Variants in LRMDA observed in about 807,000 individuals in gnomAD.
LRMDA encodes the protein leucine rich melanocyte differentiation associated, also known as leucine-rich melanocyte differentiation-associated protein.
LRMDA carries 18 observed loss-of-function variants against 29.8 expected under a neutral mutation model. The ratio of observed to expected loss-of-function variants is 0.60; its 90% CI spans 0.42 to 0.90. The LOEUF is 0.90. LRMDA is among the 40% of genes least tolerant of loss of function. The pLI is 0.00. For missense variants in LRMDA, 273 were observed against 273.9 expected (o/e 1.00, Z 0.02); for synonymous variants, 125 against 109.4 (o/e 1.14, Z -0.89).
At chr10:75,668,490 C>G (rs1002265861) in intron 2 of LRMDA, among the ~76,000 whole-genome samples, 3 of 152,122 alleles carry the variant, frequency 2.0e-5, no homozygotes, top group African/African-American at 7.2e-5. Flanking sequence ...TTGGTTGGGT[C>G]GGTGATTTAT....
chr10:76,025,780 C>T (rs7087207), intron 2 of LRMDA, among the ~76,000 whole-genome samples: 12,973 of 152,232 alleles, frequency 0.085, 780 homozygotes, highest in East Asian at 0.24. Context: ...TTAGCTCAAG[C>T]CCATCTCCTT....
chr10:76,173,524 T>C (rs544033248), intron 5 of LRMDA, among the ~76,000 whole-genome samples: 1 of 152,354 alleles, frequency 6.6e-6, no homozygotes, highest in Non-Finnish European at 1.5e-5. Flanking sequence ...ATATCAATGA[T>C]GTTGAAAATG....
chr10:75,861,468 A>C (rs954006551), intron 2 of LRMDA, among the ~76,000 whole-genome samples: 3 of 152,246 alleles, frequency 2.0e-5, no homozygotes, highest in Non-Finnish European at 4.4e-5. Flanking sequence ...GACTGGCTGC[A>C]GTATTCCTTG....
chr10:75,593,725 T>G (rs912563875), intron 2 of LRMDA, among the ~76,000 whole-genome samples: 1 of 152,224 alleles, frequency 6.6e-6, no homozygotes, highest in Non-Finnish European at 1.5e-5. Flanking sequence ...AAAAATTTAC[T>G]GATTCCATGG....
At chr10:76,545,089 A>G (rs1479198928) in intron 6 of LRMDA, among the ~76,000 whole-genome samples, 1 of 151,912 alleles carries the variant, frequency 6.6e-6, no homozygotes, top group Non-Finnish European at 1.5e-5. Flanking sequence ...CTTTTCCCCA[A>G]TCCTTGCAGG....
intron 6 of LRMDA, among the ~76,000 whole-genome samples, chr10:76,516,813 G>T (rs1183451888): frequency 6.6e-6 from 1 of 152,186 alleles, no homozygotes; most frequent in Non-Finnish European, 1.5e-5. Flanking sequence ...ACGTGTGCAT[G>T]TGTCTTTATA....
chr10:75,819,613 C>G (rs1392676080), intron 2 of LRMDA, among the ~76,000 whole-genome samples: 2 of 152,052 alleles, frequency 1.3e-5, no homozygotes, highest in East Asian at 1.9e-4. Context: ...TTTTCATACT[C>G]CAGTGAAATT....
intron 6 of LRMDA, among the ~76,000 whole-genome samples, chr10:76,343,798 T>G (rs987707292): frequency 6.6e-6 from 1 of 151,332 alleles, no homozygotes; most frequent in Non-Finnish European, 1.5e-5. Context: ...TATAAAAGTT[T>G]CATGTTTACA....
intron 6 of LRMDA, among the ~76,000 whole-genome samples, chr10:76,338,685 C>T (rs1394316688): frequency 6.7e-6 from 1 of 148,996 alleles, no homozygotes; most frequent in African/African-American, 2.5e-5. Context: ...AAAGACAGAG[C>T]ACTACCAGAT....
At chr10:75,966,482 C>T (rs1161983148) in intron 2 of LRMDA, among the ~76,000 whole-genome samples, 1 of 152,216 alleles carries the variant, frequency 6.6e-6, no homozygotes, top group Non-Finnish European at 1.5e-5. Context: ...GCTCCTTGGT[C>T]CTCTATCTTG....
chr10:75,875,265 A>G (rs1845176491), intron 2 of LRMDA, among the ~76,000 whole-genome samples: 1 of 152,218 alleles, frequency 6.6e-6, no homozygotes, highest in African/African-American at 2.4e-5. Context: ...GGTATAGACT[A>G]TACAGAAGTG....
chr10:76,421,469 CT>C (rs1332935639), intron 6 of LRMDA, among the ~76,000 whole-genome samples: 2 of 152,050 alleles, frequency 1.3e-5, no homozygotes, highest in Non-Finnish European at 2.9e-5. Context: ...GAAAACCTTC[CT>C]TTTAATGGTG....
intron 6 of LRMDA, among the ~76,000 whole-genome samples, chr10:76,549,252 C>A (rs1254907755): frequency 6.6e-6 from 1 of 152,094 alleles, no homozygotes; most frequent in Non-Finnish European, 1.5e-5. Flanking sequence ...GGGAGGCTAG[C>A]CCCACAGCCT....
chr10:75,974,157 C>T (rs962421188), intron 2 of LRMDA, among the ~76,000 whole-genome samples: 1 of 152,158 alleles, frequency 6.6e-6, no homozygotes, highest in Non-Finnish European at 1.5e-5. Flanking sequence ...ATTTCCCCTG[C>T]AGATATAGCA....
At chr10:75,529,019 A>G (rs1379194703) in intron 2 of LRMDA, among the ~76,000 whole-genome samples, 1 of 152,186 alleles carries the variant, frequency 6.6e-6, no homozygotes, top group African/African-American at 2.4e-5. Context: ...GAGAGGGGAG[A>G]AAAAAGGAGC....
intron 2 of LRMDA, among the ~76,000 whole-genome samples, chr10:76,009,700 G>A (rs189702956): frequency 1.0e-3 from 155 of 152,220 alleles, no homozygotes; most frequent in African/African-American, 3.5e-3. Context: ...TGGTCATCTC[G>A]GCCAGACTGG....
At chr10:76,402,113 T>C (rs1907341) in intron 6 of LRMDA, 137,752 of 152,290 alleles carry the variant, frequency 0.9, 62,973 homozygotes, top group Middle Eastern at 0.99. Context: ...AGGGAACCGT[T>C]GCTGAGAAGG....
At chr10:75,461,797 T>G (rs1319651571) in intron 2 of LRMDA, among the ~76,000 whole-genome samples, 1 of 152,222 alleles carries the variant, frequency 6.6e-6, no homozygotes, top group Non-Finnish European at 1.5e-5. Context: ...GCTGGCTCAC[T>G]TCTGAGGCCG....
At chr10:76,553,442 G>A (rs902891981) in intron 6 of LRMDA, among the ~76,000 whole-genome samples, 13 of 152,186 alleles carry the variant, frequency 8.5e-5, no homozygotes, top group Non-Finnish European at 1.6e-4. Flanking sequence ...CCATCAAAAT[G>A]TTCTTTGCAA....
Sources: gnomAD v4.1 joint callset for allele counts (sites outside exome capture counted in the v4.1 genomes callset) on GRCh38, gnomAD v4.1.1 for gene constraint, MANE v1.5 for transcripts, NCBI Gene and HGNC (gene_info 2026-07-23, HGNC 2026-07-21) for gene names.